ASXL2: variants seen among roughly 807,000 people sequenced by gnomAD.
ASXL2 encodes ASXL transcriptional regulator 2.
ASXL2 carries 23 observed loss-of-function variants against 122.0 expected under a neutral mutation model. The ratio of observed to expected loss-of-function variants is 0.19; its 90% CI spans 0.14 to 0.27. The LOEUF (loss-of-function observed/expected upper bound fraction) is 0.27, where lower values mean the gene tolerates loss of function less well. Ranked by LOEUF, ASXL2 falls within the 10% of genes least tolerant of loss-of-function variation. The pLI is 1.00. For missense variants in ASXL2, 1,518 were observed against 1,713.8 expected (o/e 0.89, Z 2.02); for synonymous variants, 650 against 637.0 (o/e 1.02, Z -0.31).
chr2:25,849,179 T>G (rs1453813576), intron 1 of ASXL2, among the ~76,000 whole-genome samples: 1 of 149,624 alleles, frequency 6.7e-6, no homozygotes, highest in Non-Finnish European at 1.5e-5. Context: ...GGCTCACACC[T>G]GTAATCCCAG....
chr2:25,759,269 A>G (rs1364014115), intron 9 of ASXL2, among the ~76,000 whole-genome samples: 5 of 152,000 alleles, frequency 3.3e-5, no homozygotes, highest in Non-Finnish European at 7.4e-5. Flanking sequence ...CCTCACCTTC[A>G]TTCTATGGAT....
chr2:25,868,042 G>T (rs556414050), intron 1 of ASXL2, among the ~76,000 whole-genome samples: 40 of 152,300 alleles, frequency 2.6e-4, no homozygotes, highest in African/African-American at 9.4e-4. Flanking sequence ...TTATCTCACA[G>T]TCTCAAGTGT....
chr2:25,787,816 C>G lies in ASXL2; in HGVS notation c.403+11569G>C, dbSNP rs149752778. On this transcript the variant is annotated intron_variant, in intron 5 of 12. Coordinates refer to ENST00000435504, the MANE Select transcript of ASXL2 (RefSeq NM_018263.6). ...CTAAAACTGATCTATAGATTCAATGCAATCCTAACCAAAATCATAGCAGGT... is the reference window on the plus strand; with the variant it reads ...CTAAAACTGATCTATAGATTCAATGGAATCCTAACCAAAATCATAGCAGGT... 8.4e-3 allele frequency among the ~76,000 whole-genome samples: 1,284 copies of G among 152,180 alleles called. 10 individuals carry two copies. The highest frequency in any genetic ancestry group is 0.03 in the African/African-American group (1,250 of 41,510).
chr2:25,861,636 G>A (rs577132295), intron 1 of ASXL2, among the ~76,000 whole-genome samples: 1 of 152,298 alleles, frequency 6.6e-6, no homozygotes, highest in Non-Finnish European at 1.5e-5. Context: ...TCAAGTTTAT[G>A]TTGCTGCAAA....
chr2:25,842,168 A>G (rs2089590549), intron 2 of ASXL2, among the ~76,000 whole-genome samples: 1 of 152,058 alleles, frequency 6.6e-6, no homozygotes, highest in South Asian at 2.1e-4. Flanking sequence ...ACAAACTAAA[A>G]TAAGAAGATA....
At chr2:25,811,128 C>G (rs1441970928) in intron 3 of ASXL2, among the ~76,000 whole-genome samples, 1 of 148,894 alleles carries the variant, frequency 6.7e-6, no homozygotes, top group Non-Finnish European at 1.5e-5. Flanking sequence ...TGGCACACGC[C>G]TGTAGTACCA....
chr2:25,869,329 C>A (rs2089941029), intron 1 of ASXL2, among the ~76,000 whole-genome samples: 1 of 150,958 alleles, frequency 6.6e-6, no homozygotes, highest in South Asian at 2.1e-4. Context: ...AACGTTGTCT[C>A]CAAAAAAAGA....
chr2:25,851,147 C>CAAAAAAAAAAAAAA (rs570159423), intron 1 of ASXL2, among the ~76,000 whole-genome samples: 1 of 96,300 alleles, frequency 1.0e-5, no homozygotes. Flanking sequence ...ACTCCTTCTC[C>CAAAAAAAAAAAAAA]AAAAAAAAAA....
chr2:25,837,246 A>G (rs928014184), intron 2 of ASXL2, among the ~76,000 whole-genome samples: 2 of 152,246 alleles, frequency 1.3e-5, no homozygotes, highest in African/African-American at 2.4e-5. Context: ...GCACAGAAGT[A>G]GTAATGAGTA....
chr2:25,787,530 C>T (rs953700676), intron 5 of ASXL2, among the ~76,000 whole-genome samples: 3 of 152,274 alleles, frequency 2.0e-5, no homozygotes, highest in Admixed American at 6.5e-5. Flanking sequence ...AGGCTAATCG[C>T]TTTGTTTACT....
At chr2:25,810,541 C>T (rs1440417992) in intron 3 of ASXL2, 5 of 728,256 alleles carry the variant, frequency 6.9e-6, no homozygotes, top group African/African-American at 5.2e-5. Flanking sequence ...CCAGGCGCGC[C>T]TTTCTCCTTC....
chr2:25,771,310 C>T, intron 6 of ASXL2, 130 bp downstream of exon 6: 1 of 685,674 alleles, frequency 1.5e-6, no homozygotes. Context: ...CCACATTGGG[C>T]TACTGCATGA....
chr2:25,755,590 T>C (rs2088117002), intron 10 of ASXL2, among the ~76,000 whole-genome samples: 1 of 152,238 alleles, frequency 6.6e-6, no homozygotes, highest in Non-Finnish European at 1.5e-5. Context: ...GCTTTTACTG[T>C]TAGTTTTATT....
chr2:25,757,380 T>C (rs1442113153), intron 9 of ASXL2, among the ~76,000 whole-genome samples: 1 of 151,420 alleles, frequency 6.6e-6, no homozygotes, highest in East Asian at 1.9e-4. Context: ...GGCTCACATC[T>C]GTAATCCCAG....
chr2:25,743,121 C>T lies in ASXL2; in HGVS notation c.3216G>A (p.Gln1072=), dbSNP rs1198066552. Residue 1072 remains glutamine (Q), a synonymous_variant, in exon 13 of 13, where the codon CAG becomes CAA. Coordinates refer to ENST00000435504, the MANE Select transcript of ASXL2 (RefSeq NM_018263.6). The part of the protein sequence containing the change: ...TQDQILQTLI[Q]RVRRQNLLSV... ...AGAGAAGATTCTGCCTCCGAACCCT[C>T]TGAATGAGAGTCTGAAGGATCTGAT... The T allele has an allele frequency of 1.9e-6, 3 of 1,614,002 alleles. No homozygotes were observed. Among genetic ancestry groups the T allele is most frequent in the South Asian group, 2.2e-5 (2 of 91,084 alleles).
intron 3 of ASXL2, chr2:25,810,155 C>G: frequency 1.8e-6 from 1 of 565,568 alleles, no homozygotes. Context: ...CAGCATCACT[C>G]AGACACTTCA....
rs70950127 is a variant in ASXL2, at chr2:25,856,363, CTTTT to C, written c.58-10804_58-10801del. ...TGAGCCACTGCTCACCTGGCCTATA[CTTTT>C]TTTTTTTTTTTTTTTTTGACACCAG... On this transcript the variant is annotated intron_variant, in intron 1 of 12. Coordinates refer to ENST00000435504, the MANE Select transcript of ASXL2 (RefSeq NM_018263.6). The C allele has an allele frequency of 5.3e-3, 1,238 of 233,028 alleles. 1 individual carries two copies. The highest frequency in any genetic ancestry group is 0.016 in the East Asian group (237 of 14,898). The allele number at this position is 233,028 out of a possible 1,614,324, so 14.4% of individuals were successfully genotyped here. A position where few individuals can be genotyped will look rare whatever the true frequency, so the allele number is the denominator to read the frequency against.
chr2:25,756,264 G>C, intron 9 of ASXL2, 150 bp from the exon 10 acceptor site: 1 of 393,026 alleles, frequency 2.5e-6, no homozygotes, highest in Non-Finnish European at 4.4e-6. Flanking sequence ...ATCCAACTCT[G>C]TTATTTAATG....
chr2:25,768,751 C>G lies in ASXL2; in HGVS notation c.622G>C (p.Ala208Pro). Residue 208 changes from alanine (A) to proline (P), a missense_variant, in exon 7 of 13, where the codon GCC (alanine) becomes CCC (proline). By Grantham distance (27) the Ala-to-Pro change is conservative (BLOSUM62 -1). This residue lies in a region of ASXL2 where 198 missense variants were observed against 209.0 expected (regional missense o/e 0.95). Transcript: ENST00000435504. ...TGCCCAAACTGCCTACCAGGTTTGGCAGGTACAGAGTCACTGGCTGCTTTG... is the reference window on the plus strand; with the variant it reads ...TGCCCAAACTGCCTACCAGGTTTGGGAGGTACAGAGTCACTGGCTGCTTTG... The part of the protein sequence containing the change: ...TVKAASDSVP[A>P]KPATWEGKQS... 6.2e-7 allele frequency: 1 copy of G among 1,613,034 alleles called. No individual in the cohort carries two copies. The highest frequency in any genetic ancestry group is 1.3e-5 in the African/African-American group (1 of 75,022).
Sources: gnomAD v4.1 joint callset for allele counts (sites outside exome capture counted in the v4.1 genomes callset) on GRCh38, gnomAD v4.1.1 for gene constraint, gnomAD v4.1.1 regional missense constraint, MANE v1.5 for transcripts, NCBI Gene and HGNC (gene_info 2026-07-23, HGNC 2026-07-21) for gene names.